The following ELMOD1 variants were observed in gnomAD, a reference collection of about 807,000 sequenced individuals.
ELMOD1 encodes the protein ELMO domain containing 1, also known as ELMO domain-containing protein 1.
In ELMOD1, 21 loss-of-function variants were observed where a neutral mutation model predicts 46.7. The ratio of observed to expected loss-of-function variants is 0.45; its 90% CI spans 0.32 to 0.65. ELMOD1 has a LOEUF of 0.65. Ranked by LOEUF, ELMOD1 falls within the 30% of genes least tolerant of loss-of-function variation. ELMOD1 has a pLI of 0.04. For missense variants in ELMOD1, 348 were observed against 407.8 expected, an observed-to-expected ratio of 0.85 and a Z score of 1.26; for synonymous variants, 122 against 138.2, an observed-to-expected ratio of 0.88 and a Z score of 0.82.
chr11:107,644,979 A>G (rs1331280593), intron 6 of ELMOD1, among the ~76,000 whole-genome samples: 1 of 149,886 alleles, frequency 6.7e-6, no homozygotes, highest in East Asian at 2.0e-4. Flanking sequence ...GCTGGAGTGC[A>G]GTGGCGCGAT....
intron 6 of ELMOD1, among the ~76,000 whole-genome samples, chr11:107,641,085 C>A (rs1866314698): frequency 6.6e-6 from 1 of 152,068 alleles, no homozygotes; most frequent in Admixed American, 6.6e-5. Flanking sequence ...TGAGGCCAGG[C>A]ATTCGAGACC....
intron 6 of ELMOD1, among the ~76,000 whole-genome samples, chr11:107,642,409 C>A (rs1016524234): frequency 9.2e-5 from 14 of 152,060 alleles, no homozygotes; most frequent in Admixed American, 9.2e-4. Context: ...CACTCTGTCA[C>A]CCAGGCTGGA....
chr11:107,605,230 C>T (rs1298311157), intron 1 of ELMOD1, among the ~76,000 whole-genome samples: 1 of 149,210 alleles, frequency 6.7e-6, no homozygotes, highest in Non-Finnish European at 1.5e-5. Context: ...ACAGGAGCTC[C>T]CTCCAGTGTC....
At chr11:107,648,938 A>T (rs1265150976) in intron 7 of ELMOD1, among the ~76,000 whole-genome samples, 1 of 151,968 alleles carries the variant, frequency 6.6e-6, no homozygotes, top group Non-Finnish European at 1.5e-5. Context: ...GTGTCCTTTG[A>T]CACTACCCTA....
chr11:107,603,226 TC>T (rs1266186510), intron 1 of ELMOD1, among the ~76,000 whole-genome samples: 1 of 152,098 alleles, frequency 6.6e-6, no homozygotes. Flanking sequence ...GAGACATAGG[TC>T]CTAACTACTC....
At chr11:107,596,690 A>T (rs1271040343) in intron 1 of ELMOD1, among the ~76,000 whole-genome samples, 1 of 152,194 alleles carries the variant, frequency 6.6e-6, no homozygotes, top group East Asian at 1.9e-4. Flanking sequence ...CCTTTATTAA[A>T]ATACTTTACA....
At chr11:107,622,087 G>A (rs1382925616) in intron 2 of ELMOD1, among the ~76,000 whole-genome samples, 32 of 152,148 alleles carry the variant, frequency 2.1e-4, no homozygotes, top group Non-Finnish European at 1.0e-4. Flanking sequence ...GGTAAGAGAC[G>A]AGGCGTATGC....
At position 107,666,354 on chromosome 11, in the gene ELMOD1, T is replaced by C. The variant is rs936646429; in HGVS notation, c.*1157T>C. ...CTGGCACTGTTCTGATCCAAGCATATTTGCTTGGGGAACTAAGTGCTGACT... is the reference window on the plus strand; with the variant it reads ...CTGGCACTGTTCTGATCCAAGCATACTTGCTTGGGGAACTAAGTGCTGACT... On this transcript the variant is annotated 3_prime_UTR_variant, in exon 12 of 12. Coordinates refer to ENST00000265840, the MANE Select transcript of ELMOD1 (RefSeq NM_018712.4). 2.4e-4 allele frequency: 36 copies of C among 152,186 alleles called. No individual in the cohort carries two copies. The highest frequency in any genetic ancestry group is 8.4e-4 in the African/African-American group (35 of 41,450). The allele number at this position is 152,186 out of a possible 1,614,324, so 9.4% of individuals were successfully genotyped here.
intron 11 of ELMOD1, 97 bp downstream of exon 11, chr11:107,656,163 G>A: frequency 7.5e-7 from 1 of 1,330,526 alleles, no homozygotes; most frequent in Non-Finnish European, 1.0e-6. Flanking sequence ...CAAGGCGAGT[G>A]GATTGCCTGA....
chr11:107,618,265 T>A (rs1865893477), intron 2 of ELMOD1, 59 bp downstream of exon 2: 2 of 1,524,902 alleles, frequency 1.3e-6, no homozygotes, highest in African/African-American at 2.8e-5. Flanking sequence ...TCCTCACTGG[T>A]TAGGGTAATA....
chr11:107,592,612 T>C, intron 1 of ELMOD1: 2 of 303,556 alleles, frequency 6.6e-6, no homozygotes, highest in Admixed American at 4.0e-5. Flanking sequence ...CGGGGGTCAG[T>C]TTAGTTGGTA....
chr11:107,596,142 G>C (rs1865489301), intron 1 of ELMOD1, among the ~76,000 whole-genome samples: 1 of 151,900 alleles, frequency 6.6e-6, no homozygotes, highest in Non-Finnish European at 1.5e-5. Context: ...TAGAATGCTG[G>C]TTTTAAGAGC....
chr11:107,612,401 G>A (rs959517928), intron 1 of ELMOD1, among the ~76,000 whole-genome samples: 2 of 152,098 alleles, frequency 1.3e-5, no homozygotes, highest in African/African-American at 4.8e-5. Context: ...CTAACTATTG[G>A]ATACTATGCT....
intron 6 of ELMOD1, among the ~76,000 whole-genome samples, chr11:107,636,023 G>A (rs1866223827): frequency 6.6e-6 from 1 of 152,198 alleles, no homozygotes; most frequent in Non-Finnish European, 1.5e-5. Flanking sequence ...GGTGATTTCT[G>A]TGGGCTCTCA....
At chr11:107,619,009 T>C (rs1865905475) in intron 2 of ELMOD1, among the ~76,000 whole-genome samples, 1 of 152,200 alleles carries the variant, frequency 6.6e-6, no homozygotes, top group African/African-American at 2.4e-5. Context: ...TGTTACACAT[T>C]CTTGTCTTTC....
intron 2 of ELMOD1, among the ~76,000 whole-genome samples, chr11:107,626,644 CTCTT>C (rs1328711713): frequency 7.3e-6 from 1 of 136,168 alleles, no homozygotes; most frequent in Non-Finnish European, 1.5e-5. Flanking sequence ...CTTTCCCTCT[CTCTT>C]TCTTTCTTTT....
At chr11:107,656,455 ATATAT>A (rs1866634994) in intron 11 of ELMOD1, among the ~76,000 whole-genome samples, 2 of 147,954 alleles carry the variant, frequency 1.4e-5, no homozygotes, top group East Asian at 1.9e-4. Flanking sequence ...ATATAAAAAT[ATATAT>A]TATATGTATT....
At chr11:107,593,563 A>C (rs1865441701) in intron 1 of ELMOD1, among the ~76,000 whole-genome samples, 1 of 152,238 alleles carries the variant, frequency 6.6e-6, no homozygotes. Context: ...CGGAGCTTGC[A>C]TACAAATCCC....
intron 5 of ELMOD1, among the ~76,000 whole-genome samples, chr11:107,634,910 C>T (rs1282070137): frequency 1.3e-5 from 2 of 152,182 alleles, no homozygotes; most frequent in South Asian, 2.1e-4. Context: ...GGAATTGGAA[C>T]CACTTTGTAA....
Sources: gnomAD v4.1 joint callset for allele counts (sites outside exome capture counted in the v4.1 genomes callset) on GRCh38, gnomAD v4.1.1 for gene constraint, MANE v1.5 for transcripts, NCBI Gene and HGNC (gene_info 2026-07-23, HGNC 2026-07-21) for gene names.